POLR3B: variants seen among roughly 807,000 people sequenced by gnomAD.
POLR3B encodes DNA-directed RNA polymerase III subunit RPC2.
In POLR3B, 96 loss-of-function variants were observed where a neutral mutation model predicts 147.4. The observed-to-expected ratio is 0.65, with a 90% CI of 0.55 to 0.77. The LOEUF (loss-of-function observed/expected upper bound fraction) is 0.77. Among genes scored for constraint, POLR3B ranks in the 30% least tolerant of loss-of-function variants. The pLI is 0.00. For missense variants in POLR3B, 1,036 were observed against 1,413.5 expected (o/e 0.73, Z 4.28); for synonymous variants, 461 against 485.9 (o/e 0.95, Z 0.67).
At chr12:106,376,962 T>G (rs1300238663) in intron 7 of POLR3B, among the ~76,000 whole-genome samples, 1 of 152,206 alleles carries the variant, frequency 6.6e-6, no homozygotes, top group Non-Finnish European at 1.5e-5. Context: ...GCTTAAGACT[T>G]TAATATGACA....
chr12:106,508,792 A>G (rs553110944), intron 27 of POLR3B, among the ~76,000 whole-genome samples: 4 of 152,352 alleles, frequency 2.6e-5, no homozygotes, highest in African/African-American at 7.2e-5. Context: ...TGCACAAGGG[A>G]CAACATGTTG....
intron 24 of POLR3B, chr12:106,496,410 G>A (rs2038486798): frequency 9.8e-6 from 6 of 613,280 alleles, no homozygotes; most frequent in Non-Finnish European, 1.7e-5. Context: ...TTACCCCTCA[G>A]CAAAAGAGAA....
chr12:106,359,038 C>T (rs1028605752), intron 1 of POLR3B, among the ~76,000 whole-genome samples: 1 of 152,114 alleles, frequency 6.6e-6, no homozygotes, highest in Non-Finnish European at 1.5e-5. Context: ...GGCGACATGG[C>T]AAAACCCTGT....
chr12:106,434,432 G>A (rs2037550267), intron 16 of POLR3B, among the ~76,000 whole-genome samples: 2 of 152,124 alleles, frequency 1.3e-5, no homozygotes, highest in South Asian at 4.1e-4. Flanking sequence ...GAGGAGAAAG[G>A]CTGAAAAAAG....
chr12:106,386,013 A>G (rs755586013), intron 9 of POLR3B, among the ~76,000 whole-genome samples: 4 of 152,194 alleles, frequency 2.6e-5, no homozygotes, highest in Non-Finnish European at 5.9e-5. Flanking sequence ...ACAGTGCCCA[A>G]TGCAGTGTTT....
intron 26 of POLR3B, among the ~76,000 whole-genome samples, chr12:106,501,677 CACA>C (rs1238946188): frequency 6.6e-6 from 1 of 152,224 alleles, no homozygotes. Context: ...GGACTCCTAA[CACA>C]ACTATTTACT....
intron 23 of POLR3B, among the ~76,000 whole-genome samples, chr12:106,468,594 C>T (rs1408594320): frequency 6.6e-6 from 1 of 152,086 alleles, no homozygotes. Flanking sequence ...CTATAAATTT[C>T]CCTCTACACA....
chr12:106,426,222 TTGTGTGTGTGTGTGTGTGTGTG>T (rs35090518), intron 12 of POLR3B, among the ~76,000 whole-genome samples: 1 of 131,130 alleles, frequency 7.6e-6, no homozygotes, highest in Non-Finnish European at 1.6e-5. Flanking sequence ...GGCCTGCAAT[TTGTGTGTGTGTGTGTGTGTGTG>T]TGTGTGTGTG....
intron 9 of POLR3B, among the ~76,000 whole-genome samples, chr12:106,385,006 G>A (rs552723855): frequency 9.2e-5 from 14 of 151,964 alleles, no homozygotes; most frequent in Admixed American, 4.6e-4. Context: ...TTGTATTTTT[G>A]GTAGAGATGG....
chr12:106,455,121 T>C (rs1209698711), intron 20 of POLR3B, among the ~76,000 whole-genome samples: 1 of 152,230 alleles, frequency 6.6e-6, no homozygotes, highest in Non-Finnish European at 1.5e-5. Flanking sequence ...AGGCTGTTTC[T>C]TATTTGTGTA....
intron 23 of POLR3B, among the ~76,000 whole-genome samples, chr12:106,473,901 G>A (rs1056362747): frequency 4.6e-5 from 7 of 151,452 alleles, no homozygotes; most frequent in Middle Eastern, 3.4e-3. Flanking sequence ...CCAACACTAT[G>A]TTGAATAGGA....
At chr12:106,363,778 C>T in intron 1 of POLR3B, 92 bp from the exon 2 acceptor site, 4 of 1,026,690 alleles carry the variant, frequency 3.9e-6, no homozygotes, top group East Asian at 2.4e-5. Flanking sequence ...TTTTGATTTA[C>T]TTTCCTTTGC....
At chr12:106,362,250 C>G (rs1175686690) in intron 1 of POLR3B, among the ~76,000 whole-genome samples, 1 of 151,970 alleles carries the variant, frequency 6.6e-6, no homozygotes, top group Non-Finnish European at 1.5e-5. Flanking sequence ...AAGGGTTAGC[C>G]TTAGACCAAG....
At chr12:106,409,357 T>TG (rs1475448583) in intron 11 of POLR3B, among the ~76,000 whole-genome samples, 2 of 144,154 alleles carry the variant, frequency 1.4e-5, no homozygotes, top group African/African-American at 2.6e-5. Flanking sequence ...TTTTTTTTGT[T>TG]TTTTTTTTTT....
At chr12:106,413,371 T>C (rs2037254620) in intron 12 of POLR3B, among the ~76,000 whole-genome samples, 2 of 152,178 alleles carry the variant, frequency 1.3e-5, no homozygotes, top group African/African-American at 4.8e-5. Context: ...TCTCCCATCA[T>C]TTACTAGTTT....
At chr12:106,507,716 G>T (rs1335099416) in intron 27 of POLR3B, 2 of 454,950 alleles carry the variant, frequency 4.4e-6, no homozygotes, top group Non-Finnish European at 8.8e-6. Context: ...ATTTGTGAGG[G>T]TTAGTCTTCT....
chr12:106,506,955 G>T (rs886587191), intron 27 of POLR3B, among the ~76,000 whole-genome samples: 3 of 152,186 alleles, frequency 2.0e-5, no homozygotes, highest in Non-Finnish European at 4.4e-5. Context: ...GCCACACAAT[G>T]AAGGCTAGGT....
chr12:106,391,765 T>C (rs925065276), intron 9 of POLR3B, among the ~76,000 whole-genome samples: 10 of 152,246 alleles, frequency 6.6e-5, no homozygotes, highest in African/African-American at 2.4e-4. Context: ...TTTAGATAGA[T>C]GCCCCTGTTG....
chr12:106,426,971 G>A (rs544382602), intron 12 of POLR3B, among the ~76,000 whole-genome samples: 1 of 151,404 alleles, frequency 6.6e-6, no homozygotes, highest in South Asian at 2.1e-4. Context: ...TTTGAATGCA[G>A]TGAGTATGTC....
Sources: allele counts gnomAD v4.1 joint callset (sites outside exome capture counted in the v4.1 genomes callset), GRCh38; gene constraint gnomAD v4.1.1; transcripts MANE v1.5; gene names NCBI Gene and HGNC (gene_info 2026-07-23, HGNC 2026-07-21).